Variants in TENT2 observed in about 807,000 individuals in gnomAD.
TENT2 encodes poly(A) RNA polymerase GLD2.
In TENT2, 44 loss-of-function variants were observed where a neutral mutation model predicts 72.2. That is an observed-to-expected ratio of 0.61 (90% CI 0.48 to 0.78). TENT2 has a LOEUF of 0.78. Among genes scored for constraint, TENT2 ranks in the 30% least tolerant of loss-of-function variants. The pLI is 0.00. For missense variants in TENT2, 541 were observed against 569.6 expected, an observed-to-expected ratio of 0.95 and a Z score of 0.51; for synonymous variants, 212 against 192.5, an observed-to-expected ratio of 1.10 and a Z score of -0.84.
intron 4 of TENT2, among the ~76,000 whole-genome samples, chr5:79,631,667 T>G (rs951720328): frequency 1.3e-5 from 2 of 152,158 alleles, no homozygotes; most frequent in Non-Finnish European, 2.9e-5. Flanking sequence ...GCAAAAGGTG[T>G]GAAGTTAGGA....
intron 9 of TENT2, 88 bp downstream of exon 9, chr5:79,648,781 A>T (rs1580429517): frequency 1.9e-6 from 2 of 1,031,144 alleles, no homozygotes; most frequent in Non-Finnish European, 2.9e-6. Context: ...ACATCTCTTT[A>T]GTTGTGTTTA....
intron 10 of TENT2, among the ~76,000 whole-genome samples, chr5:79,656,590 A>T (rs977205634): frequency 6.6e-6 from 1 of 152,008 alleles, no homozygotes; most frequent in African/African-American, 2.4e-5. Flanking sequence ...TTTGATTGCT[A>T]CATCCATCTT....
rs551858727 is a variant in TENT2 at position 79,648,944 on chromosome 5, A to G, written c.899-118A>G. 5.3e-6 allele frequency: 6 copies of G among 1,137,226 alleles called. No homozygotes were observed. In the East Asian group the frequency reaches 1.5e-4, roughly 29 times the overall value. The allele number at this position is 1,137,226 out of a possible 1,614,324, so 70.4% of individuals were successfully genotyped here. On this transcript the variant is annotated intron_variant, in intron 9 of 14. Transcript: ENST00000453514. Reference sequence around the variant, plus strand: ...CATAAGACACAAAGTGAACAGACACAGTGTTTAATATACACGGAGACAGTG... The same window carrying G: ...CATAAGACACAAAGTGAACAGACACGGTGTTTAATATACACGGAGACAGTG...
At chr5:79,629,051 C>T (rs1772875727) in intron 4 of TENT2, among the ~76,000 whole-genome samples, 1 of 152,078 alleles carries the variant, frequency 6.6e-6, no homozygotes, top group African/African-American at 2.4e-5. Context: ...GGAAATACAC[C>T]AGCACAGGGC....
intron 9 of TENT2, 78 bp downstream of exon 9, chr5:79,648,771 A>T: frequency 9.0e-7 from 1 of 1,105,718 alleles, no homozygotes; most frequent in South Asian, 1.5e-5. Flanking sequence ...ATAAATAGTG[A>T]CATCTCTTTA....
intron 12 of TENT2, among the ~76,000 whole-genome samples, chr5:79,669,433 G>T (rs980648339): frequency 6.6e-6 from 1 of 152,148 alleles, no homozygotes; most frequent in Non-Finnish European, 1.5e-5. Context: ...TGGCATCTTC[G>T]TAAATAGTTG....
chr5:79,668,763 T>C, intron 11 of TENT2, 129 bp from the exon 12 acceptor site: 2 of 1,116,628 alleles, frequency 1.8e-6, no homozygotes, highest in Non-Finnish European at 1.3e-6. Flanking sequence ...AAATTTCAGG[T>C]TTCCAAATTG....
In TENT2 at chr5:79,619,908, A is replaced by G. The variant is rs545999998; in HGVS notation, c.138-86A>G. The G allele has an allele frequency of 3.2e-5, 47 of 1,450,268 alleles. No individual in the cohort carries two copies. In the South Asian group the frequency reaches 5.8e-4, roughly 18 times the overall value. The allele number at this position is 1,450,268 out of a possible 1,614,324, so 89.8% of individuals were successfully genotyped here. On this transcript the variant is annotated intron_variant, in intron 2 of 14. Coordinates refer to ENST00000453514, the MANE Select transcript of TENT2 (RefSeq NM_001114394.3). ...GTCGTCACATTTTTTTTTGATACGGATGTATTTAATTTTTTTTCAGAGACT... is the reference window on the plus strand; with the variant it reads ...GTCGTCACATTTTTTTTTGATACGGGTGTATTTAATTTTTTTTCAGAGACT...
chr5:79,662,931 T>C (rs747997276), intron 11 of TENT2, among the ~76,000 whole-genome samples: 14 of 152,246 alleles, frequency 9.2e-5, no homozygotes, highest in Non-Finnish European at 1.8e-4. Context: ...TCATTTACAC[T>C]GAAAAATCTG....
intron 7 of TENT2, 54 bp from the exon 8 acceptor site, chr5:79,645,069 C>A (rs1391385986): frequency 4.9e-6 from 7 of 1,414,496 alleles, no homozygotes; most frequent in Non-Finnish European, 6.7e-6. Context: ...TGCGTTGGAA[C>A]ACTGTGAATT....
chr5:79,641,147 G>A lies in TENT2; in HGVS notation c.623G>A (p.Gly208Asp), dbSNP rs752481773. The A allele has an allele frequency of 6.3e-7, 1 of 1,577,026 alleles. No homozygotes were observed. Among genetic ancestry groups the A allele is most frequent in the Non-Finnish European group, 8.6e-7 (1 of 1,169,480 alleles). ...FLVGSSLNGFGTRSSDGDLCL... is the reference protein window; with the variant it reads ...FLVGSSLNGFDTRSSDGDLCL... ...GTTGGGTCCTCTTTAAATGGATTTG[G>A]TACCCGGAGCAGTGATGGTGATTTA... Residue 208 changes from glycine to aspartate, a missense_variant, in exon 6 of 15, where the codon GGT becomes GAT. By Grantham distance (94) the Gly-to-Asp change is moderately conservative. Coordinates refer to ENST00000453514, the MANE Select transcript of TENT2 (RefSeq NM_001114394.3).
At chr5:79,647,949 A>G (rs1355344974) in intron 8 of TENT2, among the ~76,000 whole-genome samples, 2 of 152,190 alleles carry the variant, frequency 1.3e-5, no homozygotes, top group African/African-American at 2.4e-5. Flanking sequence ...GTAATTTACT[A>G]GCCTTTTTAG....
At chr5:79,627,665 A>G (rs1379409014) in intron 4 of TENT2, among the ~76,000 whole-genome samples, 1 of 152,036 alleles carries the variant, frequency 6.6e-6, no homozygotes, top group East Asian at 1.9e-4. Flanking sequence ...TTGTATTTTT[A>G]GTAGAGATGG....
In TENT2 at chr5:79,630,328, C is replaced by A. The variant is rs991043574; in HGVS notation, c.465+6839C>A. On this transcript the variant is annotated intron_variant, in intron 4 of 14. Coordinates refer to ENST00000453514, the MANE Select transcript of TENT2 (RefSeq NM_001114394.3). ...GTGGTGGGAGCCAGGCGCAGTGGCT[C>A]ATGCCTGTAATCGCAACACTTTGGG... Among the ~76,000 whole-genome samples the A allele has an allele frequency of 5.9e-5, 9 of 152,164 alleles. No homozygotes were observed. The South Asian group carries it at 1.7e-3, about 28-fold the overall frequency.
chr5:79,630,686 A>T (rs1181058132), intron 4 of TENT2, among the ~76,000 whole-genome samples: 2 of 152,072 alleles, frequency 1.3e-5, no homozygotes, highest in Non-Finnish European at 2.9e-5. Flanking sequence ...GGAGGTCAAG[A>T]TGGCTAGTGT....
chr5:79,658,901 C>T (rs1799900113), intron 11 of TENT2, among the ~76,000 whole-genome samples: 1 of 152,092 alleles, frequency 6.6e-6, no homozygotes, highest in Non-Finnish European at 1.5e-5. Context: ...CTGTTCATAT[C>T]CACTACCTCT....
chr5:79,652,212 G>C (rs1303423983), intron 10 of TENT2, among the ~76,000 whole-genome samples: 1 of 151,862 alleles, frequency 6.6e-6, no homozygotes, highest in Non-Finnish European at 1.5e-5. Context: ...AAGATTAGAA[G>C]TACTCTTAAA....
At chr5:79,664,847 A>G (rs779134812) in intron 11 of TENT2, among the ~76,000 whole-genome samples, 41 of 152,310 alleles carry the variant, frequency 2.7e-4, no homozygotes, top group Non-Finnish European at 5.3e-4. Context: ...TCCTTGTATT[A>G]TAAATGATGA....
chr5:79,652,309 T>C (rs148676159), intron 10 of TENT2, among the ~76,000 whole-genome samples: 2 of 152,156 alleles, frequency 1.3e-5, no homozygotes, highest in Non-Finnish European at 2.9e-5. Flanking sequence ...GTTTTTAATA[T>C]ATTTAATGAT....
Sources: allele counts gnomAD v4.1 joint callset (sites outside exome capture counted in the v4.1 genomes callset), GRCh38; gene constraint gnomAD v4.1.1; transcripts MANE v1.5; gene names NCBI Gene and HGNC (gene_info 2026-07-23, HGNC 2026-07-21).